The following PTPRG variants were observed in gnomAD, a reference collection of about 807,000 sequenced individuals.
PTPRG encodes the protein protein tyrosine phosphatase receptor type G, also known as receptor-type tyrosine-protein phosphatase gamma.
A neutral mutation model predicts 165.3 loss-of-function variants in PTPRG; 102 were observed. The observed-to-expected ratio is 0.62, with a 90% CI of 0.53 to 0.73. The LOEUF (loss-of-function observed/expected upper bound fraction) is 0.73, where lower values mean the gene tolerates loss of function less well. Ranked by LOEUF, PTPRG falls within the 30% of genes least tolerant of loss-of-function variation. PTPRG has a pLI of 0.00. For synonymous variants in PTPRG, 675 were observed against 669.5 expected (o/e 1.01, Z -0.13); for missense variants, 1,866 against 1,861.4 (o/e 1.00, Z -0.05).
rs113781824 is a variant in PTPRG at position 62,122,323 on chromosome 3, G to C, written c.616-10279G>C. Among the ~76,000 whole-genome samples, 614 of 152,274 alleles carry C rather than the reference G, an allele frequency of 4.0e-3. 6 individuals carry two copies. Among genetic ancestry groups the C allele is most frequent in the African/African-American group, 0.014 (568 of 41,538 alleles). ...GCTTAAGTTTCTCTTGTAGTATCAG[G>C]CAGCAAACCCCTTCCATGAGCCCAT... On this transcript the variant is annotated intron_variant, in intron 5 of 29. Transcript: ENST00000474889.
rs1233679653 is a variant in PTPRG at position 61,995,080 on chromosome 3, C to CTTTTTTT, written c.370+5279_370+5280insTTTTTTT. ...TTCTTTTTTCTTTTTTCTTTTCTTT[C>CTTTTTTT]TTTCTTTTTTTTTTTTTTTTTTTTT... On this transcript the variant is annotated intron_variant, in intron 3 of 29. Transcript: ENST00000474889. Among the ~76,000 whole-genome samples the CTTTTTTT allele has an allele frequency of 1.7e-3, 178 of 107,362 alleles. 2 individuals are homozygous for CTTTTTTT. Among genetic ancestry groups the CTTTTTTT allele is most frequent in the African/African-American group, 4.8e-3 (116 of 24,218 alleles). The allele number at this position is 107,362 out of a possible 152,430, so 70.4% of individuals were successfully genotyped here.
chr3:62,169,072 C>T (rs1257736623), intron 8 of PTPRG, among the ~76,000 whole-genome samples: 1 of 152,168 alleles, frequency 6.6e-6, no homozygotes, highest in Non-Finnish European at 1.5e-5. Flanking sequence ...TTCTATCCCT[C>T]TCGTCTGCTT....
chr3:61,745,576 T>TTAA (rs2033165627), intron 1 of PTPRG, among the ~76,000 whole-genome samples: 1 of 152,250 alleles, frequency 6.6e-6, no homozygotes, highest in African/African-American at 2.4e-5. Context: ...GAAGATAAGA[T>TTAA]TAACCTACCT....
At chr3:61,904,758 A>G (rs932231777) in intron 2 of PTPRG, among the ~76,000 whole-genome samples, 3 of 152,236 alleles carry the variant, frequency 2.0e-5, no homozygotes, top group Non-Finnish European at 2.9e-5. Flanking sequence ...GGCATTGCAT[A>G]TGAGTATAGC....
intron 5 of PTPRG, among the ~76,000 whole-genome samples, chr3:62,079,560 A>G (rs1452002617): frequency 6.6e-6 from 1 of 152,262 alleles, no homozygotes; most frequent in Admixed American, 6.5e-5. Flanking sequence ...ATGCTGGGTC[A>G]TGATATAATG....
intron 1 of PTPRG, among the ~76,000 whole-genome samples, chr3:61,594,414 G>A (rs1035813784): frequency 6.6e-6 from 1 of 151,932 alleles, no homozygotes; most frequent in African/African-American, 2.4e-5. Flanking sequence ...CTCAAGGAAA[G>A]TAGGTCAGGC....
rs63081460 is a variant in PTPRG, at chr3:61,859,611, G to GTT, written c.190+110641_190+110642dup. ...TGAGATCTTGGTTTGATAGTCCATA[G>GTT]TTTTTTTTTTTTTGGTCATTGTTGT... On this transcript the variant is annotated intron_variant, in intron 2 of 29. Coordinates refer to ENST00000474889, the MANE Select transcript of PTPRG (RefSeq NM_002841.4). Among the ~76,000 whole-genome samples, 292 of 146,052 alleles carry GTT rather than the reference G, an allele frequency of 2.0e-3. 2 individuals carry two copies. The highest frequency in any genetic ancestry group is 6.6e-3 in the African/African-American group (264 of 39,968).
chr3:61,993,041 C>T (rs550984687), intron 3 of PTPRG, among the ~76,000 whole-genome samples: 6 of 151,970 alleles, frequency 3.9e-5, no homozygotes, highest in Non-Finnish European at 7.4e-5. Context: ...TTTATTTGCT[C>T]TGTTTTGTCT....
intron 2 of PTPRG, among the ~76,000 whole-genome samples, chr3:61,795,982 C>G (rs2035033342): frequency 6.6e-6 from 1 of 152,100 alleles, no homozygotes; most frequent in Non-Finnish European, 1.5e-5. Flanking sequence ...AGATTTTGTC[C>G]TTGGCCTGTT....
At chr3:62,281,166 G>C (rs536297215) in intron 26 of PTPRG, among the ~76,000 whole-genome samples, 1 of 152,096 alleles carries the variant, frequency 6.6e-6, no homozygotes, top group South Asian at 2.1e-4. Context: ...TTCAACTACA[G>C]AATTATTAAC....
intron 1 of PTPRG, among the ~76,000 whole-genome samples, chr3:61,588,228 C>T (rs752590982): frequency 5.5e-4 from 84 of 151,930 alleles, no homozygotes; most frequent in Non-Finnish European, 9.9e-4. Context: ...ATGGAGAGCT[C>T]GTTTCAACTC....
At chr3:62,165,762 A>T (rs1281494890) in intron 7 of PTPRG, among the ~76,000 whole-genome samples, 5 of 152,142 alleles carry the variant, frequency 3.3e-5, no homozygotes, top group African/African-American at 1.2e-4. Flanking sequence ...TGATAGGTGA[A>T]TTCATATACT....
chr3:61,834,269 A>T (rs2036395539), intron 2 of PTPRG, among the ~76,000 whole-genome samples: 1 of 152,174 alleles, frequency 6.6e-6, no homozygotes, highest in Admixed American at 6.5e-5. Context: ...CATCTGGAAT[A>T]TTTATATTGT....
chr3:61,907,584 A>G (rs1476690861), intron 2 of PTPRG, among the ~76,000 whole-genome samples: 2 of 152,222 alleles, frequency 1.3e-5, no homozygotes, highest in Non-Finnish European at 2.9e-5. Context: ...CTGGGAATTT[A>G]TAAGTCTAGT....
At chr3:62,017,184 G>A (rs2041566608) in intron 4 of PTPRG, among the ~76,000 whole-genome samples, 1 of 152,030 alleles carries the variant, frequency 6.6e-6, no homozygotes, top group Non-Finnish European at 1.5e-5. Context: ...TTCTTGTATT[G>A]TATTCTTATC....
chr3:61,648,050 C>T (rs1702252173), intron 1 of PTPRG, among the ~76,000 whole-genome samples: 1 of 152,108 alleles, frequency 6.6e-6, no homozygotes, highest in Non-Finnish European at 1.5e-5. Context: ...AAGCCCAAGA[C>T]AGGCTGCAAC....
rs1410671875 is a variant in PTPRG at position 62,214,606 on chromosome 3, AC to A, written c.2156-4244del. 1.3e-5 allele frequency among the ~76,000 whole-genome samples: 2 copies of A among 152,192 alleles called. No individual in the cohort carries two copies. Among genetic ancestry groups the A allele is most frequent in the African/African-American group, 4.8e-5 (2 of 41,440 alleles). The stretch of plus-strand genomic sequence containing the variant: ...GCCCTGCCTTTGGGGACCTAGAGTA[AC>A]AAAAGAGCGATTATAATTGAGTATG... On this transcript the variant is annotated intron_variant, in intron 12 of 29. Coordinates refer to ENST00000474889, the MANE Select transcript of PTPRG (RefSeq NM_002841.4). This position sits in a 1 kb window ranked among gnomAD's most constrained non-coding sequence, Gnocchi z 5.2.
At chr3:61,673,248 G>A (rs1369153514) in intron 1 of PTPRG, among the ~76,000 whole-genome samples, 2 of 152,210 alleles carry the variant, frequency 1.3e-5, no homozygotes, top group South Asian at 4.1e-4. Context: ...GTTCCTGCAT[G>A]TGAATCACAG....
At chr3:62,024,876 T>A (rs907777958) in intron 4 of PTPRG, among the ~76,000 whole-genome samples, 2 of 152,234 alleles carry the variant, frequency 1.3e-5, no homozygotes, top group Non-Finnish European at 2.9e-5. Flanking sequence ...CATGCGATTT[T>A]CCAATTCATC....
Sources: gnomAD v4.1 joint callset for allele counts (sites outside exome capture counted in the v4.1 genomes callset) on GRCh38, gnomAD v4.1.1 for gene constraint, Gnocchi (gnomAD v3.1) non-coding constraint, MANE v1.5 for transcripts, NCBI Gene and HGNC (gene_info 2026-07-23, HGNC 2026-07-21) for gene names.